RBFOX1: variants seen among roughly 807,000 people sequenced by gnomAD.
The protein encoded by RBFOX1 is RNA binding fox-1 homolog 1.
Under a neutral mutation model 57.7 loss-of-function variants are expected in RBFOX1, and 8 were observed. The ratio of observed to expected loss-of-function variants is 0.14; its 90% CI spans 0.08 to 0.25. RBFOX1 has a LOEUF of 0.25. Among genes scored for constraint, RBFOX1 ranks in the 10% least tolerant of loss-of-function variants. The pLI is 1.00. For missense variants in RBFOX1, 611 were observed against 548.5 expected (o/e 1.11, Z -1.14); for synonymous variants, 326 against 222.4 (o/e 1.47, Z -4.15).
intron 1 of RBFOX1, among the ~76,000 whole-genome samples, chr16:6,290,375 A>T (rs185868150): frequency 6.6e-6 from 1 of 151,352 alleles, no homozygotes; most frequent in Admixed American, 6.6e-5. Flanking sequence ...AATTGTGACC[A>T]TAGCATTTTT....
chr16:5,738,124 G>C (rs1235064172), intron 3 of RBFOX1, among the ~76,000 whole-genome samples: 1 of 150,944 alleles, frequency 6.6e-6, no homozygotes, highest in Non-Finnish European at 1.5e-5. Flanking sequence ...TTCTGTTCCT[G>C]TGTTAGTTTG....
intron 3 of RBFOX1, among the ~76,000 whole-genome samples, chr16:7,039,307 G>C (rs1009654262): frequency 6.6e-6 from 1 of 152,124 alleles, no homozygotes; most frequent in Non-Finnish European, 1.5e-5. Flanking sequence ...CGTCTCCCTT[G>C]ACCCTCCAAA....
In RBFOX1 at chr16:6,786,166, G is replaced by A. The variant is rs567533229; in HGVS notation, c.-16+131516G>A. Among the ~76,000 whole-genome samples the A allele has an allele frequency of 3.9e-5, 6 of 152,182 alleles. No homozygotes were observed. In the East Asian group the frequency reaches 5.8e-4, roughly 15 times the overall value. On this transcript the variant is annotated intron_variant, in intron 3 of 15. Coordinates refer to ENST00000550418, the MANE Select transcript of RBFOX1 (RefSeq NM_018723.4). ...AATGAATGGAGTTCGGGGGCCAGGC[G>A]AAGATTCCCATGACCCTGTTGACTC...
At chr16:6,886,650 G>C (rs1178769112) in intron 3 of RBFOX1, among the ~76,000 whole-genome samples, 1 of 151,832 alleles carries the variant, frequency 6.6e-6, no homozygotes, top group African/African-American at 2.4e-5. Flanking sequence ...AGCTGCTCAG[G>C]AGGCTGAGGC....
intron 1 of RBFOX1, among the ~76,000 whole-genome samples, chr16:5,339,135 T>A (rs1419206362): frequency 2.6e-5 from 4 of 152,136 alleles, no homozygotes; most frequent in African/African-American, 9.7e-5. Context: ...TGAAATGTTG[T>A]GTCCTTTGAC....
At chr16:6,589,762 C>T (rs953355290) in intron 2 of RBFOX1, among the ~76,000 whole-genome samples, 1 of 152,160 alleles carries the variant, frequency 6.6e-6, no homozygotes, top group Non-Finnish European at 1.5e-5. Context: ...CAAAATTAAA[C>T]TATAAACTAG....
At chr16:6,650,655 T>C (rs543686612) in intron 2 of RBFOX1, among the ~76,000 whole-genome samples, 14 of 152,352 alleles carry the variant, frequency 9.2e-5, no homozygotes, top group African/African-American at 3.4e-4. Context: ...GAAAACAGTC[T>C]GTTCTACATA....
At chr16:6,659,429 A>G (rs1391105333) in intron 3 of RBFOX1, among the ~76,000 whole-genome samples, 1 of 152,094 alleles carries the variant, frequency 6.6e-6, no homozygotes, top group African/African-American at 2.4e-5. Flanking sequence ...TAACACTGAG[A>G]GTTCTGAACT....
chr16:6,961,267 G>T (rs1443145148), intron 3 of RBFOX1, among the ~76,000 whole-genome samples: 3 of 152,184 alleles, frequency 2.0e-5, no homozygotes, highest in African/African-American at 7.2e-5. Context: ...AACCTGGGGA[G>T]ACCCCACCAG....
chr16:6,717,646 C>A (rs562986636), intron 3 of RBFOX1, among the ~76,000 whole-genome samples: 1 of 151,736 alleles, frequency 6.6e-6, no homozygotes, highest in Non-Finnish European at 1.5e-5. Context: ...GATCGACTCT[C>A]TGTCAGCTCA....
chr16:5,863,521 C>G (rs1294292793), intron 3 of RBFOX1, among the ~76,000 whole-genome samples: 2 of 152,348 alleles, frequency 1.3e-5, no homozygotes, highest in African/African-American at 2.4e-5. Context: ...GCAGTCCAGC[C>G]ACAGTGGGTC....
chr16:6,822,666 C>A (rs1349308379), intron 3 of RBFOX1, among the ~76,000 whole-genome samples: 1 of 152,170 alleles, frequency 6.6e-6, no homozygotes, highest in African/African-American at 2.4e-5. Flanking sequence ...TGCTAATTCA[C>A]TTTTACACGC....
chr16:6,946,509 A>G (rs994974558), intron 3 of RBFOX1, among the ~76,000 whole-genome samples: 10 of 152,148 alleles, frequency 6.6e-5, no homozygotes, highest in African/African-American at 2.4e-4. Context: ...CTTGTTTTAC[A>G]TCTCCCATCC....
chr16:7,547,591 C>T (rs775167970), intron 5 of RBFOX1, among the ~76,000 whole-genome samples: 1 of 152,196 alleles, frequency 6.6e-6, no homozygotes, highest in Non-Finnish European at 1.5e-5. Flanking sequence ...GTTGACCACA[C>T]TGCTGGCAGT....
At chr16:6,130,889 C>G (rs1468511949) in intron 1 of RBFOX1, among the ~76,000 whole-genome samples, 2 of 152,040 alleles carry the variant, frequency 1.3e-5, no homozygotes, top group African/African-American at 2.4e-5. Context: ...GTTGACAAAA[C>G]TAAAGCCAGT....
intron 4 of RBFOX1, among the ~76,000 whole-genome samples, chr16:7,419,544 C>T (rs2098518871): frequency 1.3e-5 from 2 of 152,340 alleles, no homozygotes; most frequent in African/African-American, 4.8e-5. Context: ...ATCTGATTAC[C>T]ATGGCAAATG....
In RBFOX1 at chr16:6,550,152, C is replaced by G. The variant is rs186119708; in HGVS notation, c.-63-104451C>G. Among the ~76,000 whole-genome samples the G allele has an allele frequency of 2.4e-4, 36 of 152,174 alleles. No homozygotes were observed. In the East Asian group the frequency reaches 6.8e-3, roughly 29 times the overall value. ...CCCTCTCCCTCCCCTCTCTCTATCT[C>G]TCACTGTTCTTCATGGTACACTTCT... On this transcript the variant is annotated intron_variant, in intron 2 of 15. Transcript: ENST00000550418.
chr16:6,672,309 C>A (rs114165370), intron 3 of RBFOX1, among the ~76,000 whole-genome samples: 1 of 150,076 alleles, frequency 6.7e-6, no homozygotes, highest in South Asian at 2.1e-4. Context: ...TATAAAATAA[C>A]CATACAAATA....
chr16:5,833,477 A>T (rs961992044), intron 3 of RBFOX1, among the ~76,000 whole-genome samples: 25 of 149,086 alleles, frequency 1.7e-4, no homozygotes, highest in African/African-American at 5.0e-5. Context: ...CCTGGGCGAC[A>T]GAGCGAGACT....
Sources: allele counts gnomAD v4.1 joint callset (sites outside exome capture counted in the v4.1 genomes callset), GRCh38; gene constraint gnomAD v4.1.1; transcripts MANE v1.5; gene names NCBI Gene and HGNC (gene_info 2026-07-23, HGNC 2026-07-21).